DMXL1: variants seen among roughly 807,000 people sequenced by gnomAD.
The protein encoded by DMXL1 is Dmx like 1, also known as dmX-like protein 1.
In DMXL1, 99 loss-of-function variants were observed where a neutral mutation model predicts 319.2. The ratio of observed to expected loss-of-function variants is 0.31; its 90% CI spans 0.26 to 0.37. The LOEUF is 0.37. DMXL1 is among the 10% of genes least tolerant of loss of function. The pLI, the probability that DMXL1 is intolerant of heterozygous loss-of-function variation, is 1.00. For synonymous variants in DMXL1, 1,385 were observed against 1,235.2 expected (o/e 1.12, Z -2.54); for missense variants, 3,745 against 3,595.6 (o/e 1.04, Z -1.06).
At chr5:119,091,013 A>G (rs927600447) in intron 1 of DMXL1, among the ~76,000 whole-genome samples, 3 of 152,132 alleles carry the variant, frequency 2.0e-5, no homozygotes, top group African/African-American at 4.8e-5. Flanking sequence ...TTTTTTAAAA[A>G]TATTTCAATC....
chr5:119,196,515 GTTTT>G (rs537016412), intron 31 of DMXL1, 59 bp downstream of exon 31: 1,789 of 555,776 alleles, frequency 3.2e-3, no homozygotes, highest in Middle Eastern at 4.9e-3. Flanking sequence ...CTACTCTGTT[GTTTT>G]TTTTTTTTTT....
At chr5:119,183,174 G>A (rs115280196) in intron 28 of DMXL1, among the ~76,000 whole-genome samples, 70 of 152,146 alleles carry the variant, frequency 4.6e-4, no homozygotes, top group Middle Eastern at 3.4e-3. Flanking sequence ...GACTTATTAC[G>A]CTAAAACAGA....
At chr5:119,086,549 G>T (rs150051382) in intron 1 of DMXL1, among the ~76,000 whole-genome samples, 346 of 152,262 alleles carry the variant, frequency 2.3e-3, no homozygotes, top group African/African-American at 7.8e-3. Context: ...TCAGGATAAT[G>T]CTGGTCTCAT....
At chr5:119,097,948 T>C in intron 1 of DMXL1, 31 bp from the exon 2 acceptor site, 1 of 1,546,304 alleles carries the variant, frequency 6.5e-7, no homozygotes, top group South Asian at 1.2e-5. Context: ...TCCTTGACAC[T>C]TTTATCATTT....
Position 119,167,722 on chromosome 5 carries a change from C to T in DMXL1, c.5256C>T (p.Ile1752=), listed in dbSNP as rs781409168. ...KSILRKKVLG[I]DSPVSELCSL... The stretch of plus-strand genomic sequence containing the variant: ...TTTTACGTAAAAAAGTTTTGGGAAT[C>T]GATTCTCCTGTCAGTGAACTGTGTT... The change falls in exon 23 of 44, where the codon ATC becomes ATT. Residue 1752 remains isoleucine (I), a synonymous_variant. Transcript: ENST00000539542. The T allele has an allele frequency of 2.2e-5, 36 of 1,613,388 alleles. No homozygotes were observed. The highest frequency in any genetic ancestry group is 3.0e-5 in the Non-Finnish European group (35 of 1,179,710).
chr5:119,105,191 T>A lies in DMXL1; in HGVS notation c.297T>A (p.Ser99Arg), dbSNP rs767264089. The A allele has an allele frequency of 6.2e-7, 1 of 1,610,346 alleles. No homozygotes were observed. Residue 99 changes from serine (S) to arginine (R), a missense_variant, in exon 4 of 44, where the codon AGT becomes AGA. Coordinates refer to ENST00000539542, the MANE Select transcript of DMXL1 (RefSeq NM_001290321.3). ...TTTCTTAATTTTAGGAATTATATAG[T>A]CAGTGGCAGAAAAGTGGCCAATTTT... ...PKQKKNLELYSQWQKSGQFFL... is the reference protein window; with the variant it reads ...PKQKKNLELYRQWQKSGQFFL...
At chr5:119,094,005 C>G (rs1755379108) in intron 1 of DMXL1, among the ~76,000 whole-genome samples, 1 of 152,220 alleles carries the variant, frequency 6.6e-6, no homozygotes, top group Non-Finnish European at 1.5e-5. Flanking sequence ...AAGAAGTCAT[C>G]TTTATAACCT....
intron 6 of DMXL1, among the ~76,000 whole-genome samples, chr5:119,115,615 C>T (rs1463365123): frequency 1.3e-5 from 2 of 152,112 alleles, no homozygotes. Context: ...AAAAGCAGTA[C>T]CTGGTACATT....
At chr5:119,199,638 C>T (rs989158023) in intron 32 of DMXL1, among the ~76,000 whole-genome samples, 3 of 152,186 alleles carry the variant, frequency 2.0e-5, no homozygotes, top group Admixed American at 6.5e-5. Context: ...TGAGGAATCG[C>T]CATACTGCTT....
At position 119,116,259 on chromosome 5, in the gene DMXL1, C is replaced by G. The variant is rs750825248; in HGVS notation, c.666C>G (p.Asp222Glu). The G allele has an allele frequency of 9.9e-6, 16 of 1,613,832 alleles. No homozygotes were observed. Among genetic ancestry groups the G allele is most frequent in the African/African-American group, 1.3e-5 (1 of 74,870 alleles). ...SSEKQSQGEI[D>E]FSFVYLAHPR... ...AAAAACAATCCCAAGGAGAAATTGACTTTTCTTTTGTGTATCTGGCCCATC... is the reference window on the plus strand; with the variant it reads ...AAAAACAATCCCAAGGAGAAATTGAGTTTTCTTTTGTGTATCTGGCCCATC... Residue 222 changes from aspartate to glutamate, a missense_variant, in exon 7 of 44, where the codon GAC becomes GAG. Around this residue, in one of 4 missense-constraint regions of DMXL1, gnomAD observed 2,096 missense variants for 1,985.4 expected, o/e 1.06. Coordinates refer to ENST00000539542, the MANE Select transcript of DMXL1 (RefSeq NM_001290321.3).
chr5:119,151,887 A>ATTT, intron 18 of DMXL1, 42 bp from the exon 19 acceptor site: 2 of 1,257,126 alleles, frequency 1.6e-6, no homozygotes, highest in Non-Finnish European at 2.3e-6. Context: ...TTTGCTTACA[A>ATTT]TTTTTTTTTT....
chr5:119,244,618 T>A lies in DMXL1; in HGVS notation c.8922+42T>A, dbSNP rs1439171341. On this transcript the variant is annotated intron_variant, in intron 43 of 43. Transcript: ENST00000539542. ...CCACAACATCTACAAAATGAAATCT[T>A]CAGAAACCTTAGCTCTTTAATCGTA... The A allele has an allele frequency of 2.0e-6, 3 of 1,469,038 alleles. No homozygotes were observed. In the African/African-American group the frequency reaches 4.2e-5, roughly 20 times the overall value. The allele number at this position is 1,469,038 out of a possible 1,614,324, so 91.0% of individuals were successfully genotyped here. A position where few individuals can be genotyped will look rare whatever the true frequency, so the allele number is the denominator to read the frequency against.
intron 6 of DMXL1, 124 bp downstream of exon 6, chr5:119,114,665 G>GT (rs946483344): frequency 2.4e-4 from 176 of 720,686 alleles, no homozygotes; most frequent in African/African-American, 8.4e-4. Flanking sequence ...ATTAAAAATT[G>GT]TTTTTTTTGT....
intron 18 of DMXL1, among the ~76,000 whole-genome samples, chr5:119,150,963 A>G (rs1769659941): frequency 6.6e-6 from 1 of 151,902 alleles, no homozygotes; most frequent in Non-Finnish European, 1.5e-5. Context: ...TATGCTGTTC[A>G]TTTTTACTAA....
intron 36 of DMXL1, 124 bp downstream of exon 36, chr5:119,220,717 T>G: frequency 7.8e-7 from 1 of 1,286,028 alleles, no homozygotes; most frequent in Non-Finnish European, 1.1e-6. Flanking sequence ...GAAGCTGATG[T>G]GCTAAATGAG....
chr5:119,141,202 G>C (rs1046615998), intron 13 of DMXL1, among the ~76,000 whole-genome samples: 7 of 152,144 alleles, frequency 4.6e-5, no homozygotes, highest in African/African-American at 9.7e-5. Context: ...CACAAGGAAA[G>C]GATGCCCTGT....
At chr5:119,223,175 G>C (rs1194751715) in intron 37 of DMXL1, among the ~76,000 whole-genome samples, 1 of 150,380 alleles carries the variant, frequency 6.6e-6, no homozygotes, top group African/African-American at 2.4e-5. Flanking sequence ...TCCTGCCTCA[G>C]CCTCCCTAGT....
chr5:119,177,097 G>C (rs924930461), intron 26 of DMXL1, among the ~76,000 whole-genome samples: 1 of 151,968 alleles, frequency 6.6e-6, no homozygotes, highest in Non-Finnish European at 1.5e-5. Flanking sequence ...ATGTAATCTT[G>C]CTACTTGTGG....
chr5:119,109,874 A>G (rs188425623), intron 4 of DMXL1, among the ~76,000 whole-genome samples: 116 of 152,210 alleles, frequency 7.6e-4, no homozygotes, highest in Middle Eastern at 6.8e-3. Context: ...AAAAACGACA[A>G]TGTTTTGTTT....
Sources: allele counts gnomAD v4.1 joint callset (sites outside exome capture counted in the v4.1 genomes callset), GRCh38; gene constraint gnomAD v4.1.1; regional missense constraint gnomAD v4.1.1; transcripts MANE v1.5; gene names NCBI Gene and HGNC (gene_info 2026-07-23, HGNC 2026-07-21).